Variants in EXOC2 observed in about 807,000 individuals in gnomAD.
EXOC2 encodes the protein exocyst complex component 2.
In EXOC2, 70 loss-of-function variants were observed where a neutral mutation model predicts 131.8. The ratio of observed to expected loss-of-function variants is 0.53; its 90% CI spans 0.44 to 0.65. The LOEUF is 0.65. Among genes scored for constraint, EXOC2 ranks in the 30% least tolerant of loss-of-function variants. The pLI is 0.00. For synonymous variants in EXOC2, 411 were observed against 398.4 expected (o/e 1.03, Z -0.38); for missense variants, 923 against 1,108.6 (o/e 0.83, Z 2.38).
intron 22 of EXOC2, among the ~76,000 whole-genome samples, chr6:534,108 G>T (rs1561826423): frequency 6.6e-6 from 1 of 152,222 alleles, no homozygotes; most frequent in African/African-American, 2.4e-5. Flanking sequence ...TGTTGAGACT[G>T]ATCTGAAGTG....
intron 23 of EXOC2, among the ~76,000 whole-genome samples, chr6:530,792 C>G (rs1039777830): frequency 6.6e-6 from 1 of 152,232 alleles, no homozygotes; most frequent in African/African-American, 2.4e-5. Context: ...TCTGTGGATT[C>G]AACCAACCAT....
At chr6:614,659 C>T (rs1277292627) in intron 6 of EXOC2, among the ~76,000 whole-genome samples, 1 of 152,048 alleles carries the variant, frequency 6.6e-6, no homozygotes, top group Non-Finnish European at 1.5e-5. Context: ...AAAGTAAATA[C>T]ATGCTTTACA....
rs762736216 is a variant in EXOC2, at chr6:687,171, C to CTTTTTTTTTTTTTT, written c.-44+5834_-44+5847dup. On this transcript the variant is annotated intron_variant, in intron 1 of 27. Transcript: ENST00000230449. ...GAAGAAGTCATTATCAAATAATATT[C>CTTTTTTTTTTTTTT]TTTTTTTTTTTTTTTTTTTTTTTGA... 5.0e-4 allele frequency among the ~76,000 whole-genome samples: 39 copies of CTTTTTTTTTTTTTT among 78,366 alleles called. 8 individuals are homozygous for CTTTTTTTTTTTTTT. The highest frequency in any genetic ancestry group is 8.8e-4 in the Admixed American group (4 of 4,556). 51.4% of individuals were successfully genotyped at this position (78,366 alleles called of 152,430 possible). A position where few individuals can be genotyped will look rare whatever the true frequency, so the allele number is the denominator to read the frequency against.
intron 22 of EXOC2, among the ~76,000 whole-genome samples, chr6:546,682 G>C (rs140144591): frequency 2.2e-4 from 33 of 152,302 alleles, no homozygotes; most frequent in African/African-American, 6.0e-4. Flanking sequence ...TTTATGAATA[G>C]TGTTAATATA....
At chr6:491,317 C>T in intron 25 of EXOC2, 131 bp from the exon 26 acceptor site, 1 of 818,554 alleles carries the variant, frequency 1.2e-6, no homozygotes, top group Non-Finnish European at 2.0e-6. Flanking sequence ...ATGGTGACCG[C>T]CAGTCATGAG....
intron 1 of EXOC2, among the ~76,000 whole-genome samples, chr6:664,566 G>A (rs2127765691): frequency 6.6e-6 from 1 of 152,304 alleles, no homozygotes; most frequent in East Asian, 1.9e-4. Context: ...CACCAAAACA[G>A]TGTGGTACTG....
intron 4 of EXOC2, among the ~76,000 whole-genome samples, chr6:627,637 G>A (rs763798451): frequency 1.7e-4 from 26 of 152,104 alleles, no homozygotes; most frequent in Non-Finnish European, 3.1e-4. Flanking sequence ...ACGGAGTGAC[G>A]GTCTTGCATC....
intron 1 of EXOC2, among the ~76,000 whole-genome samples, chr6:686,253 C>T (rs140625381): frequency 2.0e-5 from 3 of 151,362 alleles, no homozygotes; most frequent in Non-Finnish European, 2.9e-5. Flanking sequence ...TGAGCCGCCG[C>T]GCCCGGCCTC....
chr6:569,288 C>T (rs1200525316), intron 13 of EXOC2, among the ~76,000 whole-genome samples: 1 of 152,172 alleles, frequency 6.6e-6, no homozygotes, highest in Non-Finnish European at 1.5e-5. Flanking sequence ...TTAACTCTTT[C>T]CTGCACACGC....
intron 22 of EXOC2, among the ~76,000 whole-genome samples, chr6:537,809 A>G (rs1561831194): frequency 6.6e-6 from 1 of 152,230 alleles, no homozygotes; most frequent in Non-Finnish European, 1.5e-5. Context: ...ATTAATTTGG[A>G]GCAAAAGAAG....
intron 23 of EXOC2, among the ~76,000 whole-genome samples, chr6:513,236 C>T (rs987748995): frequency 4.6e-5 from 7 of 152,230 alleles, no homozygotes; most frequent in Admixed American, 1.3e-4. Flanking sequence ...GACCACGTGC[C>T]GTACCAAGAG....
intron 17 of EXOC2, among the ~76,000 whole-genome samples, chr6:561,142 T>G (rs931024648): frequency 6.6e-6 from 1 of 152,264 alleles, no homozygotes; most frequent in African/African-American, 2.4e-5. Context: ...TAAATCACCT[T>G]GTTATATATA....
intron 10 of EXOC2, among the ~76,000 whole-genome samples, chr6:596,652 C>G (rs552974055): frequency 1.8e-4 from 28 of 152,204 alleles, no homozygotes; most frequent in African/African-American, 6.7e-4. Flanking sequence ...CAGGTCTGGG[C>G]CACTGTGTCT....
rs529359688 is a variant in EXOC2 at position 595,313 on chromosome 6, T to C, written c.1073+2708A>G. Among the ~76,000 whole-genome samples the C allele has an allele frequency of 5.3e-5, 8 of 152,196 alleles. No individual in the cohort carries two copies. The South Asian group carries it at 1.7e-3, about 32-fold the overall frequency. Reference sequence around the variant, plus strand: ...TGATAAAGCTATCTCTATTCCTACTTGATGCTCATAAATTTCAAAGTCCAA... The same window carrying C: ...TGATAAAGCTATCTCTATTCCTACTCGATGCTCATAAATTTCAAAGTCCAA... On this transcript the variant is annotated intron_variant, in intron 10 of 27. Coordinates refer to ENST00000230449, the MANE Select transcript of EXOC2 (RefSeq NM_018303.6).
chr6:565,176 T>C (rs1426262826), intron 13 of EXOC2, among the ~76,000 whole-genome samples: 1 of 152,238 alleles, frequency 6.6e-6, no homozygotes, highest in Non-Finnish European at 1.5e-5. Context: ...AAGAATTAAG[T>C]TGAAACTACC....
At chr6:654,334 T>C (rs1019629833) in intron 1 of EXOC2, among the ~76,000 whole-genome samples, 2 of 152,184 alleles carry the variant, frequency 1.3e-5, no homozygotes, top group Admixed American at 1.3e-4. Context: ...AAAGGATTCA[T>C]CATTCTAGAT....
chr6:489,048 A>C lies in EXOC2; in HGVS notation c.2622-10T>G, dbSNP rs764115041. The C allele has an allele frequency of 2.5e-6, 4 of 1,613,824 alleles. No homozygotes were observed. Among genetic ancestry groups the C allele is most frequent in the Non-Finnish European group, 3.4e-6 (4 of 1,179,812 alleles). On this transcript the variant is annotated splice_polypyrimidine_tract_variant and intron_variant, in intron 26 of 27. Transcript: ENST00000230449. ...CTGCTTAAAACTTGACCTGAAACAC[A>C]AACAGCCACACTGAAGTTGAAGCCT...
intron 11 of EXOC2, among the ~76,000 whole-genome samples, chr6:578,531 C>T (rs955683398): frequency 6.6e-6 from 1 of 152,128 alleles, no homozygotes; most frequent in African/African-American, 2.4e-5. Flanking sequence ...TACCGTGTGC[C>T]CCTGGACGTG....
At chr6:577,107 C>T (rs957068511) in intron 11 of EXOC2, among the ~76,000 whole-genome samples, 13 of 152,168 alleles carry the variant, frequency 8.5e-5, no homozygotes, top group African/African-American at 3.1e-4. Flanking sequence ...GCTATAAACA[C>T]AAAAAGTAGC....
Sources: gnomAD v4.1 joint callset for allele counts (sites outside exome capture counted in the v4.1 genomes callset) on GRCh38, gnomAD v4.1.1 for gene constraint, MANE v1.5 for transcripts, NCBI Gene and HGNC (gene_info 2026-07-23, HGNC 2026-07-21) for gene names.